KIAA1328: variants seen among roughly 807,000 people sequenced by gnomAD.
KIAA1328 encodes KIAA1328.
In KIAA1328, 52 loss-of-function variants were observed where a neutral mutation model predicts 68.1. The observed-to-expected ratio is 0.76, with a 90% CI of 0.61 to 0.96. The LOEUF is 0.96. Ranked by LOEUF, KIAA1328 falls within the 40% of genes least tolerant of loss-of-function variation. The probability of loss-of-function intolerance (pLI) is 0.00; values close to 1 mark genes in which losing one functional copy is unlikely to be tolerated. For missense variants in KIAA1328, 641 were observed against 677.6 expected (o/e 0.95, Z 0.60); for synonymous variants, 232 against 239.4 (o/e 0.97, Z 0.28).
chr18:37,020,216 C>T (rs945276145), intron 6 of KIAA1328, among the ~76,000 whole-genome samples: 6 of 152,102 alleles, frequency 3.9e-5, no homozygotes, highest in South Asian at 2.1e-4. Context: ...GTCTGCCTCC[C>T]GCGTTGAGCG....
intron 6 of KIAA1328, among the ~76,000 whole-genome samples, chr18:36,973,514 T>C (rs766435235): frequency 2.6e-5 from 4 of 152,070 alleles, no homozygotes; most frequent in African/African-American, 4.8e-5. Context: ...TTTATGGCCA[T>C]TTATTTATTC....
chr18:36,869,380 C>T lies in KIAA1328; in HGVS notation c.333-16177C>T, dbSNP rs138491962. 7.9e-5 allele frequency among the ~76,000 whole-genome samples: 12 copies of T among 152,082 alleles called. No homozygotes were observed. In the East Asian group the frequency reaches 2.1e-3, roughly 27 times the overall value. ...TTTTCTATAGCATTTTTTTCTTTTGCGTAGTATGTGGATAATTTCCTGTGA... is the reference window on the plus strand; with the variant it reads ...TTTTCTATAGCATTTTTTTCTTTTGTGTAGTATGTGGATAATTTCCTGTGA... On this transcript the variant is annotated intron_variant, in intron 4 of 9. Transcript: ENST00000280020.
chr18:37,026,097 G>C (rs1459318981), intron 6 of KIAA1328, among the ~76,000 whole-genome samples: 1 of 152,026 alleles, frequency 6.6e-6, no homozygotes, highest in East Asian at 1.9e-4. Flanking sequence ...ATAAACAACT[G>C]TATGCAAATA....
rs550866257 is a variant in KIAA1328 at position 37,116,493 on chromosome 18, C to T, written c.1233-43707C>T. ...CTGAAACTGGATCCCTTCCTTACAC[C>T]TTATACAAAAATTAATTCAAGATGG... On this transcript the variant is annotated intron_variant, in intron 7 of 9. Transcript: ENST00000280020. Among the ~76,000 whole-genome samples, 5 of 152,276 alleles carry T rather than the reference C, an allele frequency of 3.3e-5. No individual in the cohort carries two copies. The South Asian group carries it at 8.3e-4, about 25-fold the overall frequency.
At chr18:37,023,346 C>G (rs2054423288) in intron 6 of KIAA1328, among the ~76,000 whole-genome samples, 1 of 152,174 alleles carries the variant, frequency 6.6e-6, no homozygotes, top group African/African-American at 2.4e-5. Flanking sequence ...CCCCAAGTAG[C>G]TGGGACTGCA....
chr18:36,918,909 TTTGTGTTTAG>T (rs2049815268), intron 5 of KIAA1328, among the ~76,000 whole-genome samples: 1 of 152,206 alleles, frequency 6.6e-6, no homozygotes, highest in African/African-American at 2.4e-5. Context: ...TTAACATTTC[TTTGTGTTTAG>T]ATACTCTGTA....
At chr18:37,171,759 A>G (rs1375998791) in intron 8 of KIAA1328, among the ~76,000 whole-genome samples, 1 of 152,148 alleles carries the variant, frequency 6.6e-6, no homozygotes, top group African/African-American at 2.4e-5. Flanking sequence ...AAAATAAAGA[A>G]TTAGCCTGGC....
At chr18:37,045,793 A>T (rs1325879169) in intron 6 of KIAA1328, among the ~76,000 whole-genome samples, 2 of 152,130 alleles carry the variant, frequency 1.3e-5, no homozygotes, top group South Asian at 4.1e-4. Flanking sequence ...TTAATTGAGT[A>T]TTTTCTTACA....
chr18:37,137,032 G>A (rs180703771), intron 7 of KIAA1328, among the ~76,000 whole-genome samples: 7 of 152,176 alleles, frequency 4.6e-5, no homozygotes, highest in African/African-American at 1.4e-4. Flanking sequence ...TTTAATTAAT[G>A]AAATTCCAGC....
At chr18:37,124,738 C>A (rs1001681115) in intron 7 of KIAA1328, among the ~76,000 whole-genome samples, 3 of 152,134 alleles carry the variant, frequency 2.0e-5, no homozygotes, top group Non-Finnish European at 2.9e-5. Flanking sequence ...ATGTTCTAAC[C>A]ACAGTGGTCC....
intron 8 of KIAA1328, among the ~76,000 whole-genome samples, chr18:37,166,829 A>G (rs2059398719): frequency 6.6e-6 from 1 of 152,200 alleles, no homozygotes; most frequent in African/African-American, 2.4e-5. Context: ...ATAAATAACA[A>G]TGAGGCAAAC....
At chr18:37,055,815 G>C (rs1244115051) in intron 6 of KIAA1328, among the ~76,000 whole-genome samples, 1 of 152,164 alleles carries the variant, frequency 6.6e-6, no homozygotes. Flanking sequence ...ATTCTTATAA[G>C]GCTGTAAGTG....
chr18:36,940,057 G>C (rs2050648950), intron 5 of KIAA1328, among the ~76,000 whole-genome samples: 2 of 152,106 alleles, frequency 1.3e-5, no homozygotes, highest in East Asian at 3.8e-4. Flanking sequence ...AGGTGGGAAA[G>C]ACTGATAAAA....
chr18:37,029,806 A>G (rs908913058), intron 6 of KIAA1328, among the ~76,000 whole-genome samples: 5 of 152,054 alleles, frequency 3.3e-5, no homozygotes, highest in Admixed American at 6.6e-5. Flanking sequence ...TTTTCTTTTT[A>G]GAATGATTGA....
chr18:37,219,713 A>G (rs1431871938), intron 9 of KIAA1328, among the ~76,000 whole-genome samples: 4 of 151,890 alleles, frequency 2.6e-5, no homozygotes, highest in Non-Finnish European at 5.9e-5. Context: ...CAGTGTCCCT[A>G]TTTTCCAGGT....
At chr18:36,847,391 C>G (rs1309577571) in intron 4 of KIAA1328, among the ~76,000 whole-genome samples, 1 of 151,520 alleles carries the variant, frequency 6.6e-6, no homozygotes, top group Non-Finnish European at 1.5e-5. Flanking sequence ...TTCCATTATT[C>G]TGTATACTCA....
At chr18:37,124,384 T>C (rs535870383) in intron 7 of KIAA1328, among the ~76,000 whole-genome samples, 4 of 152,082 alleles carry the variant, frequency 2.6e-5, no homozygotes, top group African/African-American at 9.6e-5. Context: ...TCCAAAATTA[T>C]CTAGTTTCCG....
intron 6 of KIAA1328, among the ~76,000 whole-genome samples, chr18:37,032,828 A>G (rs552849783): frequency 3.3e-5 from 5 of 152,030 alleles, no homozygotes; most frequent in Non-Finnish European, 7.4e-5. Flanking sequence ...TTTATTAGAG[A>G]CAGGGTTTCT....
At chr18:37,088,546 T>G (rs941208675) in intron 7 of KIAA1328, among the ~76,000 whole-genome samples, 1 of 152,028 alleles carries the variant, frequency 6.6e-6, no homozygotes, top group Admixed American at 6.5e-5. Context: ...TAGTTCTTCT[T>G]TAGTTCATAC....
Sources: gnomAD v4.1 joint callset for allele counts (sites outside exome capture counted in the v4.1 genomes callset) on GRCh38, gnomAD v4.1.1 for gene constraint, MANE v1.5 for transcripts, NCBI Gene and HGNC (gene_info 2026-07-23, HGNC 2026-07-21) for gene names.